FALEC: variants seen among roughly 807,000 people sequenced by gnomAD.
FALEC encodes focally amplified lncRNA on chromosome 1.
chr1:150,525,286 C>G, the FALEC span, among the ~76,000 whole-genome samples: 1 of 151,980 alleles, frequency 6.6e-6, no homozygotes, highest in South Asian at 2.1e-4. Context: ...GTGTCCGTCT[C>G]AAAAACAAAA....
At chr1:150,521,326 C>T (rs1570892242), downstream of FALEC, among the ~76,000 whole-genome samples, 1 of 152,164 alleles carries the variant, frequency 6.6e-6, no homozygotes, top group Non-Finnish European at 1.5e-5. Context: ...AATTTTTCTT[C>T]CCACAGGCAG....
chr1:150,534,639 C>T, the FALEC span, among the ~76,000 whole-genome samples: 2 of 151,964 alleles, frequency 1.3e-5, no homozygotes, highest in Admixed American at 1.3e-4. Flanking sequence ...GTCAGGAAAT[C>T]GAGACCATCC....
At chr1:150,519,749 C>G (rs369914077), downstream of FALEC, among the ~76,000 whole-genome samples, 10 of 152,002 alleles carry the variant, frequency 6.6e-5, no homozygotes, top group East Asian at 1.2e-3. Flanking sequence ...CCCAGCTACT[C>G]GGGAGGCTGA....
the FALEC span, among the ~76,000 whole-genome samples, chr1:150,532,255 GGAAC>G: frequency 1.3e-5 from 2 of 152,096 alleles, no homozygotes; most frequent in African/African-American, 4.8e-5. Context: ...ACAAGACCCA[GGAAC>G]GAAAGCGCAG....
chr1:150,522,344 C>T (rs954886431), downstream of FALEC, among the ~76,000 whole-genome samples: 6 of 151,894 alleles, frequency 4.0e-5, no homozygotes, highest in Non-Finnish European at 5.9e-5. Context: ...AGTGGTTGGC[C>T]GGGAGTGGTG....
At chr1:150,519,021 A>C (rs1292304801), downstream of FALEC, among the ~76,000 whole-genome samples, 2 of 152,102 alleles carry the variant, frequency 1.3e-5, no homozygotes, top group Non-Finnish European at 2.9e-5. Flanking sequence ...ATGCCATTGC[A>C]CTCCAGCCTG....
chr1:150,523,651 C>CA, the FALEC span, among the ~76,000 whole-genome samples: 586 of 108,968 alleles, frequency 5.4e-3, 3 homozygotes, highest in South Asian at 0.016. Flanking sequence ...GAGACTCCGT[C>CA]AAAAAAAAAA....
At chr1:150,518,832 G>A (rs587753857), downstream of FALEC, among the ~76,000 whole-genome samples, 51 of 151,988 alleles carry the variant, frequency 3.4e-4, no homozygotes, top group African/African-American at 1.2e-3. Context: ...CGAGTTGGGC[G>A]GATCACCTGA....
At chr1:150,527,711 G>A in the FALEC span, among the ~76,000 whole-genome samples, 2 of 152,020 alleles carry the variant, frequency 1.3e-5, no homozygotes, top group Non-Finnish European at 2.9e-5. Context: ...TTAGCTGGGC[G>A]TGGTGGTGGG....
the FALEC span, among the ~76,000 whole-genome samples, chr1:150,534,330 G>A: frequency 3.7e-3 from 571 of 152,294 alleles, 4 homozygotes; most frequent in African/African-American, 0.013. Flanking sequence ...AGCCGCTGTC[G>A]TCCTCTGAGC....
the FALEC span, among the ~76,000 whole-genome samples, chr1:150,532,156 C>T: frequency 0.014 from 2,085 of 152,338 alleles, 52 homozygotes; most frequent in African/African-American, 0.047. Flanking sequence ...ATCCACCTGC[C>T]TCGGCCTCCC....
downstream of FALEC, among the ~76,000 whole-genome samples, chr1:150,522,896 T>TATATGTAC (rs1560270698): frequency 4.5e-5 from 3 of 67,354 alleles, 1 homozygote; most frequent in Non-Finnish European, 9.5e-5. Context: ...TACGTATATA[T>TATATGTAC]ATATATACAT....
chr1:150,535,107 C>T, the FALEC span, among the ~76,000 whole-genome samples: 2 of 152,150 alleles, frequency 1.3e-5, no homozygotes, highest in Non-Finnish European at 2.9e-5. Flanking sequence ...AAGTGCTGCT[C>T]TCCTCTGCTT....
chr1:150,523,823 G>T, the FALEC span, among the ~76,000 whole-genome samples: 3 of 152,122 alleles, frequency 2.0e-5, no homozygotes, highest in African/African-American at 7.2e-5. Flanking sequence ...ATACAGCCAA[G>T]GGTATGGATC....
chr1:150,536,238 A>G, the FALEC span, among the ~76,000 whole-genome samples: 2 of 152,240 alleles, frequency 1.3e-5, no homozygotes, highest in Admixed American at 1.3e-4. Context: ...TGCCATGAGC[A>G]AAGTGTCACA....
At chr1:150,523,151 C>T in the FALEC span, among the ~76,000 whole-genome samples, 1 of 143,880 alleles carries the variant, frequency 7.0e-6, no homozygotes, top group African/African-American at 2.6e-5. Context: ...CCATGCCCGG[C>T]TAACTTAATT....
chr1:150,518,888 C>A (rs1670604351), downstream of FALEC, among the ~76,000 whole-genome samples: 1 of 151,892 alleles, frequency 6.6e-6, no homozygotes, highest in Non-Finnish European at 1.5e-5. Flanking sequence ...GAAACCACGT[C>A]TCTACCAAAA....
At chr1:150,523,239 C>T in the FALEC span, among the ~76,000 whole-genome samples, 1 of 148,224 alleles carries the variant, frequency 6.7e-6, no homozygotes, top group African/African-American at 2.5e-5. Context: ...GTGATCCGCC[C>T]ACCGCAGCCT....
chr1:150,524,039 T>A, the FALEC span, among the ~76,000 whole-genome samples: 1 of 152,246 alleles, frequency 6.6e-6, no homozygotes, highest in Non-Finnish European at 1.5e-5. Flanking sequence ...CCAGTCCTGA[T>A]GACACTTTGA....
Sources: gnomAD v4.1 joint callset for allele counts (sites outside exome capture counted in the v4.1 genomes callset) on GRCh38, gnomAD v4.1.1 for gene constraint, MANE v1.5 for transcripts, NCBI Gene and HGNC (gene_info 2026-07-23, HGNC 2026-07-21) for gene names.